GREM2: variants seen among roughly 807,000 people sequenced by gnomAD.
GREM2 encodes the protein gremlin 2, DAN family BMP antagonist.
Under a neutral mutation model 14.2 loss-of-function variants are expected in GREM2, and 11 were observed. The observed-to-expected ratio is 0.78, with a 90% confidence interval of 0.49 to 1.28. The LOEUF (loss-of-function observed/expected upper bound fraction) is 1.28. Ranked by LOEUF, GREM2 falls within the 50% of genes most tolerant of loss-of-function variation. The pLI is 0.00. For missense variants in GREM2, 210 were observed against 218.5 expected (o/e 0.96, Z 0.24); for synonymous variants, 98 against 97.6 (o/e 1.00, Z -0.02).
chr1:240,587,391 G>A lies in GREM2; in HGVS notation c.-2+24493C>T, dbSNP rs561474368. Among the ~76,000 whole-genome samples, 26 of 150,918 alleles carry A rather than the reference G, an allele frequency of 1.7e-4. No individual in the cohort carries two copies. The East Asian group carries it at 1.8e-3, about 10-fold the overall frequency. The stretch of plus-strand genomic sequence containing the variant: ...GGCTGGAGGGCAGTAGTGTGATCTC[G>A]GCTTACTGCAACCTCACCCTCGCAG... On this transcript the variant is annotated intron_variant, in intron 1 of 1. Coordinates refer to ENST00000318160, the MANE Select transcript of GREM2 (RefSeq NM_022469.4).
chr1:240,551,613 A>C (rs555085509), intron 1 of GREM2, among the ~76,000 whole-genome samples: 1 of 150,136 alleles, frequency 6.7e-6, no homozygotes, highest in South Asian at 2.1e-4. Context: ...TTCAGGCATG[A>C]GCCACCATGC....
At chr1:240,559,541 G>A (rs1486104607) in intron 1 of GREM2, among the ~76,000 whole-genome samples, 18 of 151,834 alleles carry the variant, frequency 1.2e-4, no homozygotes, top group African/African-American at 3.9e-4. Context: ...ATGGGATTTC[G>A]CCATGTTGAC....
At chr1:240,517,761 G>T (rs1262106317) in intron 1 of GREM2, among the ~76,000 whole-genome samples, 1 of 152,138 alleles carries the variant, frequency 6.6e-6, no homozygotes, top group Non-Finnish European at 1.5e-5. Flanking sequence ...ATAAATATAT[G>T]AGTCTGATCA....
At chr1:240,597,194 C>T (rs1679835066) in intron 1 of GREM2, among the ~76,000 whole-genome samples, 1 of 152,140 alleles carries the variant, frequency 6.6e-6, no homozygotes, top group Non-Finnish European at 1.5e-5. Flanking sequence ...GGAATGAGAC[C>T]GCTGTCTCGG....
chr1:240,607,109 A>C (rs190422878), intron 1 of GREM2, among the ~76,000 whole-genome samples: 1 of 152,338 alleles, frequency 6.6e-6, no homozygotes, highest in Admixed American at 6.5e-5. Context: ...TGATACCTAT[A>C]AAATGTTTAG....
chr1:240,529,217 C>T (rs997493546), intron 1 of GREM2, among the ~76,000 whole-genome samples: 1 of 142,870 alleles, frequency 7.0e-6, no homozygotes. Flanking sequence ...TCTTGATTGA[C>T]TCATTTGAAC....
At chr1:240,606,639 A>G (rs1377875914) in intron 1 of GREM2, among the ~76,000 whole-genome samples, 3 of 151,302 alleles carry the variant, frequency 2.0e-5, no homozygotes, top group African/African-American at 7.3e-5. Flanking sequence ...GGCACAACAT[A>G]CTAGAGGAAG....
chr1:240,573,589 C>T (rs949216572), intron 1 of GREM2, among the ~76,000 whole-genome samples: 3 of 152,178 alleles, frequency 2.0e-5, no homozygotes, highest in Non-Finnish European at 4.4e-5. Context: ...CTTGCCCTGG[C>T]GTCCTGCGAT....
At chr1:240,498,724 CAATT>C (rs1380891214) in intron 1 of GREM2, among the ~76,000 whole-genome samples, 2 of 152,344 alleles carry the variant, frequency 1.3e-5, no homozygotes, top group African/African-American at 2.4e-5. Context: ...GGTTGGCACA[CAATT>C]AACCTTTCAG....
intron 1 of GREM2, among the ~76,000 whole-genome samples, chr1:240,585,425 C>T (rs780202613): frequency 8.6e-5 from 13 of 151,940 alleles, no homozygotes; most frequent in East Asian, 3.9e-4. Context: ...ACTGCAGTCT[C>T]GGGATTAAAG....
intron 1 of GREM2, among the ~76,000 whole-genome samples, chr1:240,545,899 C>A (rs927846707): frequency 2.6e-5 from 4 of 152,098 alleles, no homozygotes; most frequent in Admixed American, 2.6e-4. Flanking sequence ...AACAAAAAAC[C>A]TAAGTTGTTT....
chr1:240,521,525 G>T (rs149106562), intron 1 of GREM2, among the ~76,000 whole-genome samples: 2 of 151,730 alleles, frequency 1.3e-5, no homozygotes, highest in Non-Finnish European at 2.9e-5. Flanking sequence ...GAGCCGAGAT[G>T]GCACCACTGC....
At position 240,540,861 on chromosome 1, in the gene GREM2, G is replaced by A. The variant is rs767497677; in HGVS notation, c.-1-47385C>T. The stretch of plus-strand genomic sequence containing the variant: ...CAGGTGTGAGCCACCACGCCAGGCC[G>A]CATAATACTTCTTAAAAGAAGACAG... On this transcript the variant is annotated intron_variant, in intron 1 of 1. Coordinates refer to ENST00000318160, the MANE Select transcript of GREM2 (RefSeq NM_022469.4). This position sits in a 1 kb window ranked among gnomAD's most constrained non-coding sequence, Gnocchi z 4.2. Among the ~76,000 whole-genome samples, 54 of 151,986 alleles carry A rather than the reference G, an allele frequency of 3.6e-4. No individual in the cohort carries two copies. The highest frequency in any genetic ancestry group is 5.8e-4 in the East Asian group (3 of 5,140).
rs556499077 is a variant in GREM2, at chr1:240,594,217, G to T, written c.-2+17667C>A. ...GATCCTCCTGCCTTGGCCTCCCAAA[G>T]TGTTGGGATTAGAGGCGTGGTGTGA... On this transcript the variant is annotated intron_variant, in intron 1 of 1. Coordinates refer to ENST00000318160, the MANE Select transcript of GREM2 (RefSeq NM_022469.4). Among the ~76,000 whole-genome samples, 28 of 152,218 alleles carry T rather than the reference G, an allele frequency of 1.8e-4. 1 individual carries two copies. The highest frequency in any genetic ancestry group is 1.5e-3 in the South Asian group (7 of 4,822).
chr1:240,499,241 A>G (rs1677509501), intron 1 of GREM2, among the ~76,000 whole-genome samples: 1 of 152,254 alleles, frequency 6.6e-6, no homozygotes, highest in Admixed American at 6.5e-5. Flanking sequence ...GGCAAAGGGT[A>G]CAGCTAAGCT....
At chr1:240,499,646 T>C (rs986262814) in intron 1 of GREM2, among the ~76,000 whole-genome samples, 2 of 152,230 alleles carry the variant, frequency 1.3e-5, no homozygotes, top group African/African-American at 4.8e-5. Flanking sequence ...CAGAGGTCGA[T>C]GTTTCTTGGC....
chr1:240,516,897 A>C (rs935899017), intron 1 of GREM2, among the ~76,000 whole-genome samples: 5 of 152,134 alleles, frequency 3.3e-5, no homozygotes, highest in Non-Finnish European at 7.4e-5. Context: ...GGCTGATTTC[A>C]GTCTGGGCCC....
chr1:240,554,520 T>C (rs1433371264), intron 1 of GREM2, among the ~76,000 whole-genome samples: 1 of 152,140 alleles, frequency 6.6e-6, no homozygotes, highest in African/African-American at 2.4e-5. Context: ...TTGTAATAAC[T>C]GTAGCTTCCA....
intron 1 of GREM2, among the ~76,000 whole-genome samples, chr1:240,517,959 G>T (rs938428057): frequency 1.3e-5 from 2 of 152,116 alleles, no homozygotes; most frequent in Non-Finnish European, 2.9e-5. Flanking sequence ...TGGCATTATA[G>T]CTAGGAACAC....
Sources: gnomAD v4.1 joint callset for allele counts (sites outside exome capture counted in the v4.1 genomes callset) on GRCh38, gnomAD v4.1.1 for gene constraint, Gnocchi (gnomAD v3.1) non-coding constraint, MANE v1.5 for transcripts, NCBI Gene and HGNC (gene_info 2026-07-23, HGNC 2026-07-21) for gene names.